NOTCH1: variants seen among roughly 807,000 people sequenced by gnomAD.
The protein encoded by NOTCH1 is notch receptor 1.
NOTCH1 carries 37 observed loss-of-function variants against 254.8 expected under a neutral mutation model. The ratio of observed to expected loss-of-function variants is 0.15; its 90% CI spans 0.11 to 0.19. The LOEUF is 0.19. Ranked by LOEUF, NOTCH1 falls within the 10% of genes least tolerant of loss-of-function variation. The probability of loss-of-function intolerance (pLI) is 1.00; values close to 1 mark genes in which losing one functional copy is unlikely to be tolerated. For missense variants in NOTCH1, 2,972 were observed against 3,708.6 expected (o/e 0.80, Z 5.16); for synonymous variants, 1,731 against 1,618.1 (o/e 1.07, Z -1.68).
At position 136,545,362 on chromosome 9, in the gene NOTCH1, C is replaced by A. The variant is rs1474585940; in HGVS notation, c.61+364G>T. Among the ~76,000 whole-genome samples, 1 of 152,144 alleles carries A rather than the reference C, an allele frequency of 6.6e-6. No homozygotes were observed. The highest frequency in any genetic ancestry group is 2.4e-5 in the African/African-American group (1 of 41,448). On this transcript the variant is annotated intron_variant, in intron 1 of 33. Transcript: ENST00000651671. This position sits in a 1 kb window ranked among gnomAD's most constrained non-coding sequence, Gnocchi z 6.8. ...AGAAGCAACAGGAAACCAAAACCGA[C>A]TCTATTCAAATCGAAAAATAGTAGG...
chr9:136,520,033 G>A (rs984690484), intron 4 of NOTCH1, among the ~76,000 whole-genome samples: 5 of 152,228 alleles, frequency 3.3e-5, no homozygotes, highest in African/African-American at 1.2e-4. Context: ...AAGCTGCAGA[G>A]ATTCAGATGG....
At position 136,515,802 on chromosome 9, in the gene NOTCH1, C is replaced by T. The variant is rs1843258526; in HGVS notation, c.1670-86G>A. ...TGACCAGACCTGGGGTCACCTGTGC[C>T]AACCTGAGGAGGGCTCCGAGCGTGG... On this transcript the variant is annotated intron_variant, in intron 10 of 33. Transcript: ENST00000651671. 3 of 1,330,804 alleles carry T rather than the reference C, an allele frequency of 2.3e-6. No individual in the cohort carries two copies. The Admixed American group carries it at 6.0e-5, about 27-fold the overall frequency. 82.4% of individuals were successfully genotyped at this position (1,330,804 alleles called of 1,614,324 possible).
chr9:136,524,253 C>T (rs1472612498), intron 2 of NOTCH1, among the ~76,000 whole-genome samples: 1 of 152,164 alleles, frequency 6.6e-6, no homozygotes, highest in African/African-American at 2.4e-5. Flanking sequence ...TTGCAGTGAG[C>T]CGAGATCACG....
chr9:136,539,377 G>A (rs1843699243), intron 2 of NOTCH1, among the ~76,000 whole-genome samples: 1 of 152,070 alleles, frequency 6.6e-6, no homozygotes, highest in Non-Finnish European at 1.5e-5. Context: ...GACACTGTGT[G>A]GGGTTTTTTT....
At position 136,496,102 on chromosome 9, in the gene NOTCH1, T is replaced by G. The variant is rs1842909325; in HGVS notation, c.7637A>C (p.Gln2546Pro). The G allele has an allele frequency of 2.5e-6, 4 of 1,608,310 alleles. No homozygotes were observed. The East Asian group carries it at 8.9e-5, about 36-fold the overall frequency. The change falls in exon 34 of 34, where the codon CAG (glutamine) becomes CCG (proline). Residue 2546 changes from glutamine to proline, a missense_variant. Physicochemically the swap from Gln to Pro is moderately conservative, Grantham distance 76 (BLOSUM62 -1). Around this residue, in one of 8 missense-constraint regions of NOTCH1, gnomAD observed 85 missense variants for 126.1 expected, o/e 0.67. Transcript: ENST00000651671. ...VSSPPTSMQS[Q>P]IARIPEAFK is the part of the protein sequence containing the mutation. ...GAAGGCCTCCGGAATGCGGGCGATC[T>G]GGGACTGCATGCTGGTGGGAGGGCT... is the stretch of plus-strand genomic sequence containing the variant.
At chr9:136,500,107 G>A (rs916036078) in intron 31 of NOTCH1, among the ~76,000 whole-genome samples, 28 of 152,196 alleles carry the variant, frequency 1.8e-4, no homozygotes, top group African/African-American at 6.5e-4. Context: ...CGAGCTCACC[G>A]GCAAGCTGAG....
intron 33 of NOTCH1, among the ~76,000 whole-genome samples, chr9:136,498,583 C>T (rs1842951039): frequency 6.6e-6 from 1 of 152,204 alleles, no homozygotes; most frequent in Non-Finnish European, 1.5e-5. Context: ...GCAGTGGCAG[C>T]AGCAGCGTTC....
chr9:136,511,638 C>A (rs988255448), intron 15 of NOTCH1, among the ~76,000 whole-genome samples: 5 of 152,236 alleles, frequency 3.3e-5, no homozygotes, highest in Non-Finnish European at 7.3e-5. Context: ...GGGACCTGGG[C>A]CCACCCCGGA....
chr9:136,501,806 G>C lies in NOTCH1; in HGVS notation c.5580C>G (p.Pro1860=). ...AADLRMSAMA[P]TPPQGEVDAD... ...CGTCAACCTCACCCTGGGGCGGTGT[G>C]GGGGCCATGGCAGACATGCGCAGGT... Residue 1860 remains proline, a synonymous_variant, in exon 30 of 34, where the codon CCC becomes CCG. Transcript: ENST00000651671. 6.2e-7 allele frequency: 1 copy of C among 1,612,734 alleles called. No individual in the cohort carries two copies. The highest frequency in any genetic ancestry group is 8.5e-7 in the Non-Finnish European group (1 of 1,179,976).
At chr9:136,504,419 C>T (rs1050010537) in intron 26 of NOTCH1, among the ~76,000 whole-genome samples, 3 of 152,220 alleles carry the variant, frequency 2.0e-5, no homozygotes, top group Admixed American at 6.5e-5. Flanking sequence ...ACAGGAGTGC[C>T]GCCTGTCCAG....
chr9:136,537,820 C>G (rs1564212591), intron 2 of NOTCH1, among the ~76,000 whole-genome samples: 1 of 152,148 alleles, frequency 6.6e-6, no homozygotes, highest in Non-Finnish European at 1.5e-5. Flanking sequence ...TGGCCATGCA[C>G]AGTGGCTCAC....
At chr9:136,525,047 C>T (rs1037551775) in intron 2 of NOTCH1, among the ~76,000 whole-genome samples, 1 of 152,216 alleles carries the variant, frequency 6.6e-6, no homozygotes, top group African/African-American at 2.4e-5. Flanking sequence ...CCACGCTCAG[C>T]CCCCAGACAC....
chr9:136,540,335 C>A lies in NOTCH1; in HGVS notation c.140+3689G>T, dbSNP rs1843715363. On this transcript the variant is annotated intron_variant, in intron 2 of 33. Transcript: ENST00000651671. The surrounding 1 kb of genome is among the most constrained non-coding windows in gnomAD (Gnocchi z 4.4). ...AAACGTGTCTGTGAACTGGAGCCAC[C>A]CTGGGAGATGGACTTCCCCGGAGCT... is the stretch of plus-strand genomic sequence containing the variant. Among the ~76,000 whole-genome samples, 1 of 152,136 alleles carries A rather than the reference C, an allele frequency of 6.6e-6. No homozygotes were observed.
intron 2 of NOTCH1, among the ~76,000 whole-genome samples, chr9:136,532,797 G>A (rs1285607062): frequency 6.6e-6 from 1 of 152,214 alleles, no homozygotes; most frequent in Non-Finnish European, 1.5e-5. Context: ...GTGGGGGAAA[G>A]AAGTCCGTGG....
At position 136,506,466 on chromosome 9, in the gene NOTCH1, C is replaced by G; in HGVS notation, c.4014+61G>C. On this transcript the variant is annotated intron_variant, in intron 24 of 33. Coordinates refer to ENST00000651671, the MANE Select transcript of NOTCH1 (RefSeq NM_017617.5). This position sits in a 1 kb window ranked among gnomAD's most constrained non-coding sequence, Gnocchi z 4.5. ...CCCGGTCTGCGCCCCGAGGCCCCCA[C>G]GTGGACCTCTCCAGGTGTCTCCCCT... 1 of 1,456,254 alleles carries G rather than the reference C, an allele frequency of 6.9e-7. No individual in the cohort carries two copies. Among genetic ancestry groups the G allele is most frequent in the South Asian group, 1.2e-5 (1 of 82,318 alleles). The allele number at this position is 1,456,254 out of a possible 1,614,324, so 90.2% of individuals were successfully genotyped here. A position where few individuals can be genotyped will look rare whatever the true frequency, so the allele number is the denominator to read the frequency against.
rs1843294678 is a variant in NOTCH1, at chr9:136,517,471, C to T, written c.1442-86G>A. The stretch of plus-strand genomic sequence containing the variant: ...CTGTGGACTTGGGACAGAAACGAAC[C>T]CTGCCTCCAGCCCAGTGTCCCAGCC... On this transcript the variant is annotated intron_variant, in intron 8 of 33. Coordinates refer to ENST00000651671, the MANE Select transcript of NOTCH1 (RefSeq NM_017617.5). The T allele has an allele frequency of 3.0e-6, 3 of 1,013,032 alleles. No homozygotes were observed. The South Asian group carries it at 4.2e-5, about 14-fold the overall frequency. 62.8% of individuals were successfully genotyped at this position (1,013,032 alleles called of 1,614,324 possible). A position where few individuals can be genotyped will look rare whatever the true frequency, so the allele number is the denominator to read the frequency against.
intron 30 of NOTCH1, among the ~76,000 whole-genome samples, 163 bp downstream of exon 30, chr9:136,501,585 G>A (rs927734878): frequency 2.6e-5 from 4 of 152,132 alleles, no homozygotes; most frequent in Non-Finnish European, 5.9e-5. Context: ...AGGACTCCAG[G>A]ACCCCCCCAC....
rs201620646 is a variant in NOTCH1, at chr9:136,527,328, AGCTTT to A, written c.141-3354_141-3350del. On this transcript the variant is annotated intron_variant, in intron 2 of 33. Coordinates refer to ENST00000651671, the MANE Select transcript of NOTCH1 (RefSeq NM_017617.5). The stretch of plus-strand genomic sequence containing the variant: ...ACCAGCCTGTGAGCAAATCCTTCAC[AGCTTT>A]GGCGCTGGCCACACCCCCGGTACCC... Among the ~76,000 whole-genome samples, 785 of 152,334 alleles carry A rather than the reference AGCTTT, an allele frequency of 5.2e-3. 5 individuals carry two copies. The highest frequency in any genetic ancestry group is 0.016 in the African/African-American group (663 of 41,570).
chr9:136,500,337 C>T (rs1225454372), intron 31 of NOTCH1, among the ~76,000 whole-genome samples: 1 of 152,242 alleles, frequency 6.6e-6, no homozygotes, highest in African/African-American at 2.4e-5. Flanking sequence ...CTGCCAGACC[C>T]GCCTCTGCCT....
Sources: gnomAD v4.1 joint callset for allele counts (sites outside exome capture counted in the v4.1 genomes callset) on GRCh38, gnomAD v4.1.1 for gene constraint, gnomAD v4.1.1 regional missense constraint, Gnocchi (gnomAD v3.1) non-coding constraint, MANE v1.5 for transcripts, NCBI Gene and HGNC (gene_info 2026-07-23, HGNC 2026-07-21) for gene names.